The following FAP variants were observed in gnomAD, a reference collection of about 807,000 sequenced individuals.
FAP encodes fibroblast activation protein alpha.
In FAP, 110 loss-of-function variants were observed where a neutral mutation model predicts 126.5. The ratio of observed to expected loss-of-function variants is 0.87; its 90% CI spans 0.74 to 1.02. The LOEUF (loss-of-function observed/expected upper bound fraction) is 1.02. FAP is among the 50% of genes least tolerant of loss of function. FAP has a pLI of 0.00. For synonymous variants in FAP, 334 were observed against 297.3 expected, an observed-to-expected ratio of 1.12 and a Z score of -1.27; for missense variants, 919 against 909.2, an observed-to-expected ratio of 1.01 and a Z score of -0.14.
In FAP at chr2:162,198,738, T is replaced by C. The variant is rs1202646009; in HGVS notation, c.1402+19A>G. The C allele has an allele frequency of 3.7e-6, 6 of 1,613,730 alleles. No homozygotes were observed. The African/African-American group carries it at 5.3e-5, about 14-fold the overall frequency. On this transcript the variant is annotated intron_variant, in intron 16 of 25. Transcript: ENST00000188790. Reference sequence around the variant, plus strand: ...CATGCCTGTGGGGATGCTGTGCTTATGTGAGGTCCGTTACCTACCGTAGCA... The same window carrying C: ...CATGCCTGTGGGGATGCTGTGCTTACGTGAGGTCCGTTACCTACCGTAGCA...
intron 4 of FAP, among the ~76,000 whole-genome samples, chr2:162,224,787 CAT>C (rs1349951122): frequency 1.3e-5 from 2 of 151,776 alleles, no homozygotes; most frequent in Non-Finnish European, 2.9e-5. Flanking sequence ...TAAGGAGTAA[CAT>C]ACTACAAATT....
At chr2:162,231,699 T>C (rs1466267733) in intron 2 of FAP, among the ~76,000 whole-genome samples, 1 of 152,260 alleles carries the variant, frequency 6.6e-6, no homozygotes, top group Admixed American at 6.5e-5. Context: ...AATGATTTAC[T>C]ATTCTCTTAA....
At chr2:162,181,137 C>T (rs1169108765) in intron 21 of FAP, among the ~76,000 whole-genome samples, 3 of 151,726 alleles carry the variant, frequency 2.0e-5, no homozygotes, top group Admixed American at 6.6e-5. Context: ...ATTAGCCAGG[C>T]GTGGTGGGAT....
At chr2:162,232,434 A>G (rs979446334) in intron 2 of FAP, among the ~76,000 whole-genome samples, 4 of 152,236 alleles carry the variant, frequency 2.6e-5, no homozygotes, top group Admixed American at 6.5e-5. Flanking sequence ...AAGTGTACAC[A>G]TAATAAAACA....
intron 12 of FAP, among the ~76,000 whole-genome samples, chr2:162,208,286 G>A (rs1688789837): frequency 6.6e-6 from 1 of 151,632 alleles, no homozygotes; most frequent in Non-Finnish European, 1.5e-5. Context: ...AGCTTTGCAG[G>A]CAATTCATTC....
In FAP at chr2:162,187,753, G is replaced by A. The variant is rs1166801001; in HGVS notation, c.1814+416C>T. On this transcript the variant is annotated intron_variant, in intron 20 of 25. Coordinates refer to ENST00000188790, the MANE Select transcript of FAP (RefSeq NM_004460.5). ...ACAAATGAAGGCCTAACATCTAAAA[G>A]TATGTAGTGCTGATAAAATCTTGAG... 4.6e-5 allele frequency among the ~76,000 whole-genome samples: 7 copies of A among 152,204 alleles called. No individual in the cohort carries two copies. The East Asian group carries it at 1.4e-3, about 29-fold the overall frequency.
At chr2:162,183,850 T>G in intron 20 of FAP, among the ~76,000 whole-genome samples, 1 of 152,032 alleles carries the variant, frequency 6.6e-6, no homozygotes. Context: ...AGAAGGATTT[T>G]GTTCTTGCTG....
intron 16 of FAP, among the ~76,000 whole-genome samples, chr2:162,195,669 C>G (rs1449756255): frequency 1.3e-5 from 2 of 152,092 alleles, no homozygotes; most frequent in African/African-American, 4.8e-5. Flanking sequence ...TTCCAACATG[C>G]ATTCAGCTTC....
intron 2 of FAP, among the ~76,000 whole-genome samples, chr2:162,236,496 T>C (rs76054553): frequency 0.037 from 5,652 of 152,166 alleles, 349 homozygotes; most frequent in African/African-American, 0.13. Context: ...TCAATCTTTT[T>C]TGGTGTTATA....
At chr2:162,215,413 C>T (rs935014229) in intron 10 of FAP, among the ~76,000 whole-genome samples, 3 of 152,192 alleles carry the variant, frequency 2.0e-5, no homozygotes, top group East Asian at 1.9e-4. Context: ...AAGTGAGAAT[C>T]CTTCACGTCC....
At chr2:162,231,778 T>C (rs1689910107) in intron 2 of FAP, among the ~76,000 whole-genome samples, 1 of 152,242 alleles carries the variant, frequency 6.6e-6, no homozygotes, top group Non-Finnish European at 1.5e-5. Flanking sequence ...TGTCTAGTAC[T>C]GAAAAATTAG....
At chr2:162,194,958 T>G in intron 16 of FAP, 1 of 572,084 alleles carries the variant, frequency 1.7e-6, no homozygotes, top group Non-Finnish European at 3.1e-6. Flanking sequence ...AGAACAGCTG[T>G]GAAAGAAGCC....
At chr2:162,239,918 T>A (rs888842316) in intron 2 of FAP, among the ~76,000 whole-genome samples, 12 of 152,208 alleles carry the variant, frequency 7.9e-5, no homozygotes, top group Non-Finnish European at 1.6e-4. Context: ...CCTCTGTAAC[T>A]TTTCACTTCT....
intron 16 of FAP, chr2:162,197,592 A>G: frequency 4.4e-6 from 2 of 456,662 alleles, no homozygotes; most frequent in Non-Finnish European, 8.8e-6. Flanking sequence ...TCTTCAAGGG[A>G]GAATTTGGGT....
At chr2:162,206,413 C>T (rs926238559) in intron 12 of FAP, among the ~76,000 whole-genome samples, 29 of 152,214 alleles carry the variant, frequency 1.9e-4, no homozygotes, top group African/African-American at 7.0e-4. Flanking sequence ...CATTATTTAC[C>T]GCCATGTAAT....
intron 2 of FAP, among the ~76,000 whole-genome samples, chr2:162,227,907 T>A (rs1182713637): frequency 6.6e-6 from 1 of 152,182 alleles, no homozygotes; most frequent in Admixed American, 6.5e-5. Flanking sequence ...TCTGACCCCC[T>A]GGTTTAGATC....
intron 10 of FAP, among the ~76,000 whole-genome samples, chr2:162,215,454 T>A (rs1291970337): frequency 6.6e-6 from 1 of 152,196 alleles, no homozygotes; most frequent in African/African-American, 2.4e-5. Context: ...TCTAGACAAT[T>A]CTAAAACCAG....
intron 12 of FAP, among the ~76,000 whole-genome samples, chr2:162,207,970 C>T (rs1688775997): frequency 6.6e-6 from 1 of 151,838 alleles, no homozygotes; most frequent in Admixed American, 6.6e-5. Flanking sequence ...AAAAGTTCTA[C>T]AGCTGGGCCA....
intron 2 of FAP, among the ~76,000 whole-genome samples, chr2:162,239,409 C>G (rs140260965): frequency 6.6e-6 from 1 of 151,888 alleles, no homozygotes; most frequent in South Asian, 2.1e-4. Flanking sequence ...TATCTTTCTT[C>G]TTTCCTTTTG....
Sources: gnomAD v4.1 joint callset for allele counts (sites outside exome capture counted in the v4.1 genomes callset) on GRCh38, gnomAD v4.1.1 for gene constraint, MANE v1.5 for transcripts, NCBI Gene and HGNC (gene_info 2026-07-23, HGNC 2026-07-21) for gene names.